Variants in ANXA11 observed in about 807,000 individuals in gnomAD.
The protein encoded by ANXA11 is annexin A11, also known as 56 kDa autoantigen.
A neutral mutation model predicts 64.7 loss-of-function variants in ANXA11; 57 were observed. That is an observed-to-expected ratio of 0.88 (90% confidence interval 0.71 to 1.10). The LOEUF (loss-of-function observed/expected upper bound fraction) is 1.10. Ranked by LOEUF, ANXA11 falls within the 50% of genes least tolerant of loss-of-function variation. ANXA11 has a pLI of 0.00. For synonymous variants in ANXA11, 260 were observed against 265.2 expected (o/e 0.98, Z 0.19); for missense variants, 675 against 670.7 (o/e 1.01, Z -0.07).
At chr10:80,203,822 CAG>C (rs2132518475) in intron 1 of ANXA11, among the ~76,000 whole-genome samples, 1 of 152,352 alleles carries the variant, frequency 6.6e-6, no homozygotes, top group South Asian at 2.1e-4. Flanking sequence ...TCCAGTAAGA[CAG>C]AGAGCATGAG....
At chr10:80,170,964 C>A (rs201810332) in intron 3 of ANXA11, 49 bp from the exon 4 acceptor site, 15 of 1,549,480 alleles carry the variant, frequency 9.7e-6, no homozygotes, top group Non-Finnish European at 1.3e-5. Flanking sequence ...CCCCACCACA[C>A]GGGGAAAGGC....
intron 1 of ANXA11, among the ~76,000 whole-genome samples, chr10:80,204,093 CTG>C (rs1216957720): frequency 1.3e-5 from 2 of 152,222 alleles, no homozygotes; most frequent in Admixed American, 6.5e-5. Context: ...TCTCACAAGC[CTG>C]TGAGGCAGGG....
At chr10:80,162,799 G>A (rs12253057) in intron 11 of ANXA11, among the ~76,000 whole-genome samples, 2,333 of 152,294 alleles carry the variant, frequency 0.015, 60 homozygotes, top group African/African-American at 0.053. Flanking sequence ...AGGAAGTAAT[G>A]GCTCTGCCCT....
chr10:80,177,003 G>A (rs1259474862), intron 1 of ANXA11, among the ~76,000 whole-genome samples: 2 of 138,444 alleles, frequency 1.4e-5, no homozygotes, highest in African/African-American at 2.7e-5. Flanking sequence ...TTTTTGAGAC[G>A]GAGTCTCACT....
intron 1 of ANXA11, among the ~76,000 whole-genome samples, chr10:80,202,694 C>T (rs1201632889): frequency 2.6e-5 from 4 of 152,114 alleles, no homozygotes; most frequent in Non-Finnish European, 4.4e-5. Flanking sequence ...ACAGACGCTT[C>T]CCCATGGGAA....
chr10:80,191,447 C>T (rs1192612021), intron 1 of ANXA11, among the ~76,000 whole-genome samples: 1 of 152,004 alleles, frequency 6.6e-6, no homozygotes, highest in Non-Finnish European at 1.5e-5. Flanking sequence ...TATACAGTGA[C>T]CATTCCTTCT....
At chr10:80,173,408 G>A (rs1373706861) in intron 2 of ANXA11, among the ~76,000 whole-genome samples, 1 of 152,226 alleles carries the variant, frequency 6.6e-6, no homozygotes, top group Admixed American at 6.5e-5. Flanking sequence ...GTTCCTAGAA[G>A]CAAAAAGGGC....
intron 1 of ANXA11, among the ~76,000 whole-genome samples, chr10:80,202,328 G>A (rs1045107889): frequency 6.6e-6 from 1 of 152,222 alleles, no homozygotes; most frequent in Admixed American, 6.5e-5. Flanking sequence ...AAGGCCAGCT[G>A]TGGTTTGGGT....
At chr10:80,170,125 T>C (rs532159776) in intron 4 of ANXA11, among the ~76,000 whole-genome samples, 10 of 152,236 alleles carry the variant, frequency 6.6e-5, no homozygotes, top group Admixed American at 6.5e-4. Context: ...TTCAATAACA[T>C]CACATCGTTG....
intron 15 of ANXA11, among the ~76,000 whole-genome samples, chr10:80,156,176 A>G (rs1269234622): frequency 1.3e-5 from 2 of 152,208 alleles, no homozygotes; most frequent in African/African-American, 4.8e-5. Context: ...AATTATAATC[A>G]TCCTAAAAAC....
intron 1 of ANXA11, among the ~76,000 whole-genome samples, chr10:80,196,742 A>G (rs184282029): frequency 6.6e-6 from 1 of 152,278 alleles, no homozygotes; most frequent in Admixed American, 6.5e-5. Flanking sequence ...CAGGCACTAA[A>G]CAAAAAGCCT....
intron 1 of ANXA11, among the ~76,000 whole-genome samples, chr10:80,189,954 A>G (rs191922001): frequency 6.6e-6 from 1 of 152,396 alleles, no homozygotes; most frequent in Admixed American, 6.5e-5. Context: ...AAGAAAACTG[A>G]CATATGCTAC....
At chr10:80,198,100 G>A (rs1455464919) in intron 1 of ANXA11, among the ~76,000 whole-genome samples, 1 of 152,222 alleles carries the variant, frequency 6.6e-6, no homozygotes, top group East Asian at 1.9e-4. Context: ...TTGCCAGCTT[G>A]TGCACCAGCC....
chr10:80,194,025 A>G (rs1016391940), intron 1 of ANXA11, among the ~76,000 whole-genome samples: 34 of 151,910 alleles, frequency 2.2e-4, no homozygotes, highest in African/African-American at 8.2e-4. Flanking sequence ...CGCCATGTTG[A>G]CCAGCCTGGT....
chr10:80,159,936 G>T (rs1480403881), intron 12 of ANXA11, among the ~76,000 whole-genome samples: 1 of 152,136 alleles, frequency 6.6e-6, no homozygotes, highest in East Asian at 1.9e-4. Context: ...GGCCCAGCCT[G>T]CCCCAGCCAG....
rs1564598073 is a variant in ANXA11 at position 80,157,972 on chromosome 10, T to C, written c.1330A>G (p.Met444Val). The change falls in exon 14 of 16, where the codon ATG (methionine) becomes GTG (valine). Residue 444 changes from methionine to valine, a missense_variant. Coordinates refer to ENST00000422982, the MANE Select transcript of ANXA11 (RefSeq NM_145868.2). ...AFFAERLNKA[M>V]RGAGTKDRTL... ...TGCACATGGAAGTTACATACCCTCATGGCCTTGTTGAGCCTCTCCGCAAAG... is the reference window on the plus strand; with the variant it reads ...TGCACATGGAAGTTACATACCCTCACGGCCTTGTTGAGCCTCTCCGCAAAG... The C allele has an allele frequency of 2.5e-6, 4 of 1,614,016 alleles. No individual in the cohort carries two copies. Among genetic ancestry groups the C allele is most frequent in the Non-Finnish European group, 3.4e-6 (4 of 1,179,898 alleles).
intron 5 of ANXA11, among the ~76,000 whole-genome samples, chr10:80,167,522 C>T (rs1164500589): frequency 6.6e-6 from 1 of 152,180 alleles, no homozygotes; most frequent in Non-Finnish European, 1.5e-5. Context: ...GAAGCTTTTT[C>T]CTGGCTCCAG....
At chr10:80,172,964 C>A (rs1269922626) in intron 2 of ANXA11, 95 bp from the exon 3 acceptor site, 2 of 1,053,224 alleles carry the variant, frequency 1.9e-6, no homozygotes, top group African/African-American at 3.1e-5. Context: ...ACCACCACAA[C>A]TGGGACCCTG....
rs1260606671 is a variant in ANXA11, at chr10:80,154,790, C to A, written c.*1063G>T. 1 of 152,284 alleles carries A rather than the reference C, an allele frequency of 6.6e-6. No homozygotes were observed. Among genetic ancestry groups the A allele is most frequent in the African/African-American group, 2.4e-5 (1 of 41,458 alleles). 9.4% of individuals were successfully genotyped at this position (152,284 alleles called of 1,614,324 possible). On this transcript the variant is annotated 3_prime_UTR_variant, in exon 16 of 16. Transcript: ENST00000422982. ...GGGTTGTCCCCATCCTTCTCTCTGG[C>A]CCCCGCCGAGGGGCACCAGGAATTA...
Sources: gnomAD v4.1 joint callset for allele counts (sites outside exome capture counted in the v4.1 genomes callset) on GRCh38, gnomAD v4.1.1 for gene constraint, MANE v1.5 for transcripts, NCBI Gene and HGNC (gene_info 2026-07-23, HGNC 2026-07-21) for gene names.